BTNL9: variants seen among roughly 807,000 people sequenced by gnomAD.
BTNL9 encodes the protein butyrophilin like 9, also known as butyrophilin-like protein 9.
A neutral mutation model predicts 45.8 loss-of-function variants in BTNL9; 45 were observed. The ratio of observed to expected loss-of-function variants is 0.98; its 90% CI spans 0.77 to 1.26. The LOEUF is 1.26. Among genes scored for constraint, BTNL9 ranks in the 50% most tolerant of loss-of-function variants. The pLI is 0.00. For missense variants in BTNL9, 784 were observed against 729.7 expected (o/e 1.07, Z -0.86); for synonymous variants, 346 against 330.8 (o/e 1.05, Z -0.50).
At position 181,042,304 on chromosome 5, in the gene BTNL9, A is replaced by C. The variant is rs151300094; in HGVS notation, c.-24+1872A>C. 2.9e-3 allele frequency among the ~76,000 whole-genome samples: 449 copies of C among 152,308 alleles called. 6 individuals carry two copies. The highest frequency in any genetic ancestry group is 0.01 in the African/African-American group (434 of 41,554). ...GAGGACCCCTTTGTGGTCCTTGCGC[A>C]CACTGGGTTTTCCTTCTTCCCCAAA... On this transcript the variant is annotated intron_variant, in intron 1 of 10. Transcript: ENST00000327705. The surrounding 1 kb of genome is among the most constrained non-coding windows in gnomAD (Gnocchi z 4.5).
Position 181,053,272 on chromosome 5 carries a change from C to CGGCGCT in BTNL9, c.818_823dup (p.Ala273_Leu274dup), listed in dbSNP as rs767307643. 1.8e-5 allele frequency: 29 copies of CGGCGCT among 1,586,078 alleles called. No homozygotes were observed. The African/African-American group carries it at 2.9e-4, about 16-fold the overall frequency. On this transcript the variant is annotated inframe_insertion, in exon 5 of 11. Transcript: ENST00000327705. This position sits in a 1 kb window ranked among gnomAD's most constrained non-coding sequence, Gnocchi z 6.5. Reference sequence around the variant, plus strand: ...ACCCTGCCGCTGCTGTTGGTCCTCGCGGCGCTGGCGCTGGGCGTCCTCCGG... The same window carrying CGGCGCT: ...ACCCTGCCGCTGCTGTTGGTCCTCGCGGCGCTGGCGCTGGCGCTGGGCGTCCTCCGG...
chr5:181,045,947 C>CGGTAGTGT (rs1761108077), intron 2 of BTNL9, among the ~76,000 whole-genome samples: 1 of 63,550 alleles, frequency 1.6e-5, no homozygotes, highest in African/African-American at 6.4e-5. Context: ...TCTCCCCAGC[C>CGGTAGTGT]TCCAACACCT....
chr5:181,055,692 C>T lies in BTNL9; in HGVS notation c.928+239C>T. 1.5e-6 allele frequency: 1 copy of T among 688,724 alleles called. No individual in the cohort carries two copies. Among genetic ancestry groups the T allele is most frequent in the East Asian group, 2.7e-5 (1 of 36,770 alleles). 42.7% of individuals were successfully genotyped at this position (688,724 alleles called of 1,614,324 possible). On this transcript the variant is annotated intron_variant, in intron 8 of 10. Transcript: ENST00000327705. This position sits in a 1 kb window ranked among gnomAD's most constrained non-coding sequence, Gnocchi z 4.4. ...GCTGAGGCAGGAGAAGGGCGTGAAC[C>T]CGGGAAGCGGAGCTTGCAGTGAGCC...
Position 181,055,613 on chromosome 5 carries a change from C to A in BTNL9, c.928+160C>A, listed in dbSNP as rs1761835644. Reference sequence around the variant, plus strand: ...TGAAACCCCGTCTCTTCTAAAAATACAAAAAATTAGCCCGGCGTGGCGGCA... The same window carrying A: ...TGAAACCCCGTCTCTTCTAAAAATAAAAAAAATTAGCCCGGCGTGGCGGCA... On this transcript the variant is annotated intron_variant, in intron 8 of 10. Transcript: ENST00000327705. This position sits in a 1 kb window ranked among gnomAD's most constrained non-coding sequence, Gnocchi z 4.4. 5.6e-6 allele frequency: 5 copies of A among 890,056 alleles called. No individual in the cohort carries two copies. The highest frequency in any genetic ancestry group is 2.1e-5 in the Admixed American group (1 of 48,406). The allele number at this position is 890,056 out of a possible 1,614,324, so 55.1% of individuals were successfully genotyped here.
At chr5:181,051,753 A>G (rs1252732019) in intron 4 of BTNL9, among the ~76,000 whole-genome samples, 2 of 112,314 alleles carry the variant, frequency 1.8e-5, no homozygotes, top group African/African-American at 6.9e-5. Context: ...GGGGAAGAGG[A>G]AAGAGTCTCT....
At chr5:181,056,644 G>T (rs767081559) in intron 9 of BTNL9, 1 of 717,066 alleles carries the variant, frequency 1.4e-6, no homozygotes, top group Non-Finnish European at 2.6e-6. Flanking sequence ...TTACGGCGCT[G>T]TGTGGAGATT....
chr5:181,056,102 A>G, intron 9 of BTNL9, 87 bp downstream of exon 9: 2 of 1,471,070 alleles, frequency 1.4e-6, no homozygotes, highest in Non-Finnish European at 9.5e-7. Context: ...ATCAGGCTTC[A>G]TTCTGGTTGC....
Position 181,048,365 on chromosome 5 carries a change from T to A in BTNL9, c.454+94T>A, listed in dbSNP as rs1582126926. ...GTCACAGAGAACAGAAGAATGTCGGTGATTTTTAAAAAACATAAAAGCTGA... is the reference window on the plus strand; with the variant it reads ...GTCACAGAGAACAGAAGAATGTCGGAGATTTTTAAAAAACATAAAAGCTGA... On this transcript the variant is annotated intron_variant, in intron 3 of 10. Transcript: ENST00000327705. 3 of 1,206,618 alleles carry A rather than the reference T, an allele frequency of 2.5e-6. No homozygotes were observed. In the East Asian group the frequency reaches 7.5e-5, roughly 30 times the overall value. The allele number at this position is 1,206,618 out of a possible 1,614,324, so 74.7% of individuals were successfully genotyped here.
At chr5:181,043,589 A>G (rs1760922882) in intron 1 of BTNL9, 1 of 152,090 alleles carries the variant, frequency 6.6e-6, no homozygotes, top group African/African-American at 2.4e-5. Flanking sequence ...CCAGAACCCA[A>G]CCCATCTGAA....
At chr5:181,045,320 T>C (rs1031156367) in intron 1 of BTNL9, 147 bp from the exon 2 acceptor site, 1 of 571,814 alleles carries the variant, frequency 1.7e-6, no homozygotes, top group Non-Finnish European at 3.2e-6. Flanking sequence ...CCTCTGGCCA[T>C]GGAAGAAGCC....
rs981636930 is a variant in BTNL9 at position 181,053,608 on chromosome 5, C to T, written c.886+107C>T. The T allele has an allele frequency of 1.3e-6, 2 of 1,547,650 alleles. No homozygotes were observed. Among genetic ancestry groups the T allele is most frequent in the African/African-American group, 2.7e-5 (2 of 72,916 alleles). On this transcript the variant is annotated intron_variant, in intron 6 of 10. Transcript: ENST00000327705. This position sits in a 1 kb window ranked among gnomAD's most constrained non-coding sequence, Gnocchi z 6.5. ...GAGGGTTTATTCCAGCGCGAGGTGT[C>T]AGGGCGGCCACCGGGGAACGGGGAT... is the stretch of plus-strand genomic sequence containing the variant.
In BTNL9 at chr5:181,053,701, A is replaced by C; in HGVS notation, c.886+200A>C. The C allele has an allele frequency of 6.6e-7, 1 of 1,511,236 alleles. No individual in the cohort carries two copies. The highest frequency in any genetic ancestry group is 8.9e-7 in the Non-Finnish European group (1 of 1,127,384). 93.6% of individuals were successfully genotyped at this position (1,511,236 alleles called of 1,614,324 possible). On this transcript the variant is annotated intron_variant, in intron 6 of 10. Coordinates refer to ENST00000327705, the MANE Select transcript of BTNL9 (RefSeq NM_152547.5). This position sits in a 1 kb window ranked among gnomAD's most constrained non-coding sequence, Gnocchi z 6.5. The stretch of plus-strand genomic sequence containing the variant: ...AAAAGCGGAGGTGCGGAACGGCTGC[A>C]TTTTCCACGGAGGCTAGTGCACAGA...
intron 2 of BTNL9, among the ~76,000 whole-genome samples, chr5:181,047,268 C>T (rs369552131): frequency 4.4e-4 from 67 of 152,154 alleles, no homozygotes; most frequent in Non-Finnish European, 7.8e-4. Flanking sequence ...ATGAAGAAGC[C>T]GTCAAAGAGG....
intron 2 of BTNL9, chr5:181,047,403 T>C (rs2113177616): frequency 2.8e-6 from 2 of 713,026 alleles, no homozygotes; most frequent in Non-Finnish European, 3.4e-6. Flanking sequence ...TTGTAGAAGC[T>C]GTACATGTGA....
At position 181,060,020 on chromosome 5, in the gene BTNL9, T is replaced by C. The variant is rs1381918538; in HGVS notation, c.*158T>C. ...CTTTGCCTACGTAGATGTGTATGTG[T>C]AGTGCGATTTTCTTCAAGGAAAGGA... On this transcript the variant is annotated 3_prime_UTR_variant, in exon 11 of 11. Transcript: ENST00000327705. 2 of 667,842 alleles carry C rather than the reference T, an allele frequency of 3.0e-6. No individual in the cohort carries two copies. Among genetic ancestry groups the C allele is most frequent in the South Asian group, 2.1e-5 (1 of 47,252 alleles). The allele number at this position is 667,842 out of a possible 1,614,324, so 41.4% of individuals were successfully genotyped here.
intron 2 of BTNL9, 96 bp downstream of exon 2, chr5:181,045,694 GC>G: frequency 1.0e-6 from 1 of 971,416 alleles, no homozygotes; most frequent in Non-Finnish European, 1.6e-6. Context: ...ACCAGGGCGT[GC>G]CAGACGCTAA....
intron 2 of BTNL9, 87 bp downstream of exon 2, chr5:181,045,685 C>T: frequency 9.8e-7 from 1 of 1,023,966 alleles, no homozygotes. Context: ...TAGCACAGTA[C>T]CAGGGCGTGC....
In BTNL9 at chr5:181,042,454, AC is replaced by A; in HGVS notation, c.-24+2023del. Among the ~76,000 whole-genome samples, 1 of 152,296 alleles carries A rather than the reference AC, an allele frequency of 6.6e-6. No individual in the cohort carries two copies. The highest frequency in any genetic ancestry group is 2.4e-5 in the African/African-American group (1 of 41,556). On this transcript the variant is annotated intron_variant, in intron 1 of 10. Transcript: ENST00000327705. This position sits in a 1 kb window ranked among gnomAD's most constrained non-coding sequence, Gnocchi z 4.5. The stretch of plus-strand genomic sequence containing the variant: ...GGAAAGTGTTTCCTTCGAGGAGGGG[AC>A]TTACGCTTCAAGTAAGGATTGAGCA...
chr5:181,058,037 A>C (rs973312404), intron 9 of BTNL9, among the ~76,000 whole-genome samples: 3 of 152,162 alleles, frequency 2.0e-5, no homozygotes, highest in Non-Finnish European at 4.4e-5. Context: ...CTGAGGCTCC[A>C]CTTCTGTCTC....
Sources: gnomAD v4.1 joint callset for allele counts (sites outside exome capture counted in the v4.1 genomes callset) on GRCh38, gnomAD v4.1.1 for gene constraint, Gnocchi (gnomAD v3.1) non-coding constraint, MANE v1.5 for transcripts, NCBI Gene and HGNC (gene_info 2026-07-23, HGNC 2026-07-21) for gene names.